LYZL2: variants seen among roughly 807,000 people sequenced by gnomAD.
The protein encoded by LYZL2 is lysozyme like 2.
A neutral mutation model predicts 17.1 loss-of-function variants in LYZL2; 13 were observed. The ratio of observed to expected loss-of-function variants is 0.76; its 90% CI spans 0.49 to 1.21. The LOEUF is 1.21. Among genes scored for constraint, LYZL2 ranks in the 50% most tolerant of loss-of-function variants. The pLI is 0.00. For missense variants in LYZL2, 166 were observed against 189.2 expected (o/e 0.88, Z 0.72); for synonymous variants, 63 against 74.4 (o/e 0.85, Z 0.79).
At chr10:30,625,152 C>T (rs980083779) in intron 3 of LYZL2, among the ~76,000 whole-genome samples, 2 of 152,156 alleles carry the variant, frequency 1.3e-5, no homozygotes, top group African/African-American at 4.8e-5. Flanking sequence ...TGACTTCAGC[C>T]CTGTGAATCC....
chr10:30,626,292 C>T (rs1280548185), intron 2 of LYZL2, 29 bp from the exon 3 acceptor site: 1 of 1,610,474 alleles, frequency 6.2e-7, no homozygotes, highest in Non-Finnish European at 8.5e-7. Flanking sequence ...GAAACGCCAG[C>T]AAAGGAGGTG....
At chr10:30,616,313 A>T (rs1838526901) in intron 3 of LYZL2, among the ~76,000 whole-genome samples, 1 of 152,254 alleles carries the variant, frequency 6.6e-6, no homozygotes, top group Non-Finnish European at 1.5e-5. Flanking sequence ...AGAGATAGCA[A>T]TTGAAACAAC....
chr10:30,614,264 G>A (rs1316543531), intron 3 of LYZL2, among the ~76,000 whole-genome samples: 1 of 152,246 alleles, frequency 6.6e-6, no homozygotes, highest in Non-Finnish European at 1.5e-5. Context: ...GGAATCGGCT[G>A]GGGGGAAGCA....
downstream of LYZL2, among the ~76,000 whole-genome samples, chr10:30,611,615 G>GAA (rs1554784981): frequency 4.0e-4 from 49 of 122,240 alleles, no homozygotes; most frequent in African/African-American, 1.1e-3. Context: ...AAGAAAGAAA[G>GAA]AGAAAGAAAG....
chr10:30,611,526 AGAAAGAAGGAAG>A (rs1838433701), downstream of LYZL2, among the ~76,000 whole-genome samples: 1 of 73,406 alleles, frequency 1.4e-5, no homozygotes, highest in Admixed American at 1.4e-4. Context: ...GGAAGGAAAA[AGAAAGAAGGAAG>A]GAAGGAAGGA....
In LYZL2 at chr10:30,626,188, T is replaced by A. The variant is rs141827062; in HGVS notation, c.215A>T (p.Tyr72Phe). ...GAAGCTGTTGATCTGGAAGATGCCGTAGTCGATGCTGCCGTCATCCAGGAC... is the reference window on the plus strand; with the variant it reads ...GAAGCTGTTGATCTGGAAGATGCCGAAGTCGATGCTGCCGTCATCCAGGAC... ...QTVLDDGSID[Y>F]GIFQINSFAW... is the part of the protein sequence containing the mutation. Residue 72 changes from tyrosine (Y) to phenylalanine (F), a missense_variant, in exon 3 of 5, where the codon TAC (tyrosine) becomes TTC (phenylalanine). Transcript: ENST00000647634. 1.2e-6 allele frequency: 2 copies of A among 1,614,130 alleles called. No individual in the cohort carries two copies. The highest frequency in any genetic ancestry group is 1.7e-6 in the Non-Finnish European group (2 of 1,180,042).
intron 1 of LYZL2, among the ~76,000 whole-genome samples, chr10:30,628,704 T>A (rs1318098358): frequency 1.3e-5 from 2 of 152,186 alleles, no homozygotes; most frequent in Non-Finnish European, 2.9e-5. Context: ...GCTGGATTCC[T>A]GCATTGAAAG....
At chr10:30,611,570 G>GGAAGGAAGGAAAGAAAGAAA (rs1491344870), downstream of LYZL2, among the ~76,000 whole-genome samples, 131 of 54,080 alleles carry the variant, frequency 2.4e-3, 1 homozygote, top group Non-Finnish European at 3.4e-3. Flanking sequence ...AAGGAAGGAA[G>GGAAGGAAGGAAAGAAAGAAA]GAAAGAAAGA....
intron 3 of LYZL2, among the ~76,000 whole-genome samples, chr10:30,623,567 TA>T (rs1256803522): frequency 1.3e-5 from 2 of 152,154 alleles, no homozygotes; most frequent in African/African-American, 2.4e-5. Context: ...TAGATTCTTA[TA>T]TAGGTGTGAA....
chr10:30,618,239 G>C (rs1838565928), intron 3 of LYZL2, among the ~76,000 whole-genome samples: 1 of 152,166 alleles, frequency 6.6e-6, no homozygotes, highest in African/African-American at 2.4e-5. Flanking sequence ...TCGTGAAAAT[G>C]GCCATACTGC....
At chr10:30,606,378 G>A in the LYZL2 span, among the ~76,000 whole-genome samples, 1 of 139,492 alleles carries the variant, frequency 7.2e-6, no homozygotes, top group Non-Finnish European at 1.5e-5. Flanking sequence ...TTTAGAGATA[G>A]GGTCTTTCTC....
In LYZL2 at chr10:30,617,853, G is replaced by A. The variant is rs1439343040; in HGVS notation, c.299-4953C>T. Among the ~76,000 whole-genome samples the A allele has an allele frequency of 4.0e-5, 6 of 151,580 alleles. No homozygotes were observed. The East Asian group carries it at 7.7e-4, about 20-fold the overall frequency. ...AATCAGGCAGGAGAAGGAAATAAAG[G>A]GCATTCAATTAGGAAAAGAGGAAGT... On this transcript the variant is annotated intron_variant, in intron 3 of 4. Transcript: ENST00000647634.
chr10:30,622,564 GA>G (rs143501802), intron 3 of LYZL2, among the ~76,000 whole-genome samples: 1 of 150,196 alleles, frequency 6.7e-6, no homozygotes, highest in Non-Finnish European at 1.5e-5. Flanking sequence ...AACAAAAAAA[GA>G]AAAAAAAAGA....
chr10:30,623,900 A>G (rs1287528605), intron 3 of LYZL2, among the ~76,000 whole-genome samples: 1 of 152,194 alleles, frequency 6.6e-6, no homozygotes, highest in Non-Finnish European at 1.5e-5. Context: ...GTTGGGGACC[A>G]CTGATACAGA....
chr10:30,629,607 C>G lies in LYZL2; in HGVS notation c.-40G>C. On this transcript the variant is annotated 5_prime_UTR_variant, in exon 1 of 5. Transcript: ENST00000647634. The stretch of plus-strand genomic sequence containing the variant: ...TTAGGTCTTACTGAAAAGGCAGATT[C>G]CTGGTGCCTGCCGCAGAGGCTGACT... 1 of 1,614,162 alleles carries G rather than the reference C, an allele frequency of 6.2e-7. No individual in the cohort carries two copies. Among genetic ancestry groups the G allele is most frequent in the Non-Finnish European group, 8.5e-7 (1 of 1,179,982 alleles).
At chr10:30,617,674 C>CAAAAAAAAAAAAAAAAAAAAAAAAAAA (rs1165550893) in intron 3 of LYZL2, among the ~76,000 whole-genome samples, 20 of 50,210 alleles carry the variant, frequency 4.0e-4, no homozygotes, top group South Asian at 9.2e-4. Flanking sequence ...GACTCTGTCT[C>CAAAAAAAAAAAAAAAAAAAAAAAAAAA]AAAAAAAAAA....
intron 1 of LYZL2, among the ~76,000 whole-genome samples, chr10:30,629,285 T>C (rs962514543): frequency 5.9e-4 from 89 of 151,884 alleles, no homozygotes; most frequent in African/African-American, 2.0e-3. Flanking sequence ...TCCCACCTGT[T>C]TGGGAGGCTG....
intron 3 of LYZL2, among the ~76,000 whole-genome samples, chr10:30,616,747 C>T (rs16931785): frequency 0.11 from 17,188 of 152,222 alleles, 1,041 homozygotes; most frequent in South Asian, 0.18. Context: ...AGTTAATGAG[C>T]CTGTATTCCG....
rs75073233 is a variant in LYZL2 at position 30,623,172 on chromosome 10, T to C, written c.298+2933A>G. Among the ~76,000 whole-genome samples, 294 of 152,240 alleles carry C rather than the reference T, an allele frequency of 1.9e-3. 4 individuals carry two copies. Among genetic ancestry groups the C allele is most frequent in the African/African-American group, 6.8e-3 (283 of 41,546 alleles). On this transcript the variant is annotated intron_variant, in intron 3 of 4. Coordinates refer to ENST00000647634, the MANE Select transcript of LYZL2 (RefSeq NM_183058.3). ...AAATGGACGAGACTGAAAGGTGAAA[T>C]AGACAAAGCTAAAATGATAGTTGCA...
Sources: allele counts gnomAD v4.1 joint callset (sites outside exome capture counted in the v4.1 genomes callset), GRCh38; gene constraint gnomAD v4.1.1; transcripts MANE v1.5; gene names NCBI Gene and HGNC (gene_info 2026-07-23, HGNC 2026-07-21).